CDK5RAP1: variants seen among roughly 807,000 people sequenced by gnomAD.
CDK5RAP1 encodes the protein CDK5RAP1 mitochondrial tRNA methylthiotransferase, also known as mitochondrial tRNA methylthiotransferase CDK5RAP1.
In CDK5RAP1, 62 loss-of-function variants were observed where a neutral mutation model predicts 64.5. The ratio of observed to expected loss-of-function variants is 0.96; its 90% CI spans 0.78 to 1.19. The LOEUF is 1.19. CDK5RAP1 is among the 50% of genes most tolerant of loss of function. The probability of loss-of-function intolerance (pLI) is 0.00; values close to 1 mark genes in which losing one functional copy is unlikely to be tolerated. For missense variants in CDK5RAP1, 657 were observed against 735.0 expected (o/e 0.89, Z 1.23); for synonymous variants, 250 against 261.9 (o/e 0.95, Z 0.44).
chr20:33,369,043 G>A (rs556271732), intron 11 of CDK5RAP1, among the ~76,000 whole-genome samples: 1 of 152,226 alleles, frequency 6.6e-6, no homozygotes, highest in African/African-American at 2.4e-5. Context: ...GGGAGGCTGA[G>A]GCAGGAGGAT....
chr20:33,379,967 C>A (rs1213742319), intron 7 of CDK5RAP1, among the ~76,000 whole-genome samples: 1 of 152,084 alleles, frequency 6.6e-6, no homozygotes, highest in Admixed American at 6.6e-5. Flanking sequence ...CAATAATCCA[C>A]AATAATGGTT....
chr20:33,376,124 C>T (rs1373116238), intron 8 of CDK5RAP1, among the ~76,000 whole-genome samples: 1 of 152,002 alleles, frequency 6.6e-6, no homozygotes, highest in Non-Finnish European at 1.5e-5. Context: ...GTCAAGAGTT[C>T]GAGACCAGCC....
At chr20:33,376,146 TCTA>T (rs1460669776) in intron 8 of CDK5RAP1, among the ~76,000 whole-genome samples, 2 of 151,894 alleles carry the variant, frequency 1.3e-5, no homozygotes, top group Non-Finnish European at 2.9e-5. Context: ...GGCCAACATC[TCTA>T]CTAAGTCTCT....
At chr20:33,396,592 G>C (rs1266253231) in intron 2 of CDK5RAP1, among the ~76,000 whole-genome samples, 169 bp downstream of exon 2, 1 of 152,122 alleles carries the variant, frequency 6.6e-6, no homozygotes, top group Non-Finnish European at 1.5e-5. Context: ...GAGCCACCGT[G>C]ACCAGTCGAG....
rs373551202 is a variant in CDK5RAP1 at position 33,396,823 on chromosome 20, G to A, written c.242C>T (p.Ser81Leu). 6.2e-6 allele frequency: 10 copies of A among 1,614,140 alleles called. No homozygotes were observed. The highest frequency in any genetic ancestry group is 7.6e-6 in the Non-Finnish European group (9 of 1,180,020). The change falls in exon 2 of 14, where the codon TCA (serine) becomes TTA (leucine). Residue 81 changes from serine (S) to leucine (L), a missense_variant. Physicochemically the swap from Ser to Leu is moderately radical, Grantham distance 145 (BLOSUM62 -2). Transcript: ENST00000346416. ...SASAPQEKLS[S>L]EVEDPPPYLM... ...ATAGGGAGGTGGGTCTTCCACTTCTGAAGACAGCTTCTCCTGAGGAGCTGA... is the reference window on the plus strand; with the variant it reads ...ATAGGGAGGTGGGTCTTCCACTTCTAAAGACAGCTTCTCCTGAGGAGCTGA...
chr20:33,367,225 T>G (rs1984153062), intron 11 of CDK5RAP1, among the ~76,000 whole-genome samples: 1 of 152,214 alleles, frequency 6.6e-6, no homozygotes, highest in Admixed American at 6.5e-5. Flanking sequence ...ATTCTAAATT[T>G]AGCACATGAA....
chr20:33,393,943 C>T, intron 4 of CDK5RAP1, 89 bp downstream of exon 4: 1 of 915,348 alleles, frequency 1.1e-6, no homozygotes, highest in Non-Finnish European at 1.8e-6. Flanking sequence ...GCCACTGGCT[C>T]ATCTCCATAG....
intron 1 of CDK5RAP1, 128 bp from the exon 2 acceptor site, chr20:33,397,212 T>C: frequency 3.2e-6 from 2 of 617,912 alleles, no homozygotes; most frequent in Non-Finnish European, 5.2e-6. Flanking sequence ...CTCCTAATAA[T>C]ATGACCTCTG....
At chr20:33,364,275 G>A (rs1983484303) in intron 12 of CDK5RAP1, among the ~76,000 whole-genome samples, 1 of 147,004 alleles carries the variant, frequency 6.8e-6, no homozygotes, top group Non-Finnish European at 1.5e-5. Context: ...TGCAACCTCT[G>A]CCTCCCAGGT....
rs1989417422 is a variant in CDK5RAP1, at chr20:33,401,493, C to A, written c.-86G>T. On this transcript the variant is annotated 5_prime_UTR_variant, in exon 1 of 14. An upstream open reading frame in the 5' UTR loses its in-frame stop. Transcript: ENST00000346416. Reference sequence around the variant, plus strand: ...GTTCTGCCGGCAAGTCGGATCCCCTCACAGGTCCGCCGCTGCGTTCATACA... The same window carrying A: ...GTTCTGCCGGCAAGTCGGATCCCCTAACAGGTCCGCCGCTGCGTTCATACA... 3.0e-6 allele frequency: 3 copies of A among 985,308 alleles called. No individual in the cohort carries two copies. The highest frequency in any genetic ancestry group is 3.6e-6 in the Non-Finnish European group (3 of 829,948). The allele number at this position is 985,308 out of a possible 1,614,324, so 61.0% of individuals were successfully genotyped here. A position where few individuals can be genotyped will look rare whatever the true frequency, so the allele number is the denominator to read the frequency against.
rs560885741 is a variant in CDK5RAP1, at chr20:33,368,731, C to T, written c.1393-1723G>A. Among the ~76,000 whole-genome samples the T allele has an allele frequency of 5.1e-4, 77 of 151,924 alleles. No homozygotes were observed. In the Middle Eastern group the frequency reaches 0.01, roughly 20 times the overall value. ...TACTAAAAATACAAAATTAGCCAGG[C>T]GTGGTGGCACATGCCTATAATCCCA... On this transcript the variant is annotated intron_variant, in intron 11 of 13. Transcript: ENST00000346416.
intron 1 of CDK5RAP1, among the ~76,000 whole-genome samples, chr20:33,400,972 A>G (rs1180280246): frequency 6.6e-6 from 1 of 152,230 alleles, no homozygotes; most frequent in Non-Finnish European, 1.5e-5. Flanking sequence ...GCAATAATAC[A>G]AGCAAAATGC....
At chr20:33,363,335 C>T (rs1440005473) in intron 12 of CDK5RAP1, among the ~76,000 whole-genome samples, 2 of 152,106 alleles carry the variant, frequency 1.3e-5, no homozygotes, top group African/African-American at 4.8e-5. Context: ...AAGGACAGTT[C>T]GAAGACAACT....
At chr20:33,377,811 C>A (rs929456516) in intron 8 of CDK5RAP1, among the ~76,000 whole-genome samples, 1 of 152,154 alleles carries the variant, frequency 6.6e-6, no homozygotes, top group Admixed American at 6.6e-5. Flanking sequence ...ACAACCAAAC[C>A]CAGCTAATTT....
intron 1 of CDK5RAP1, among the ~76,000 whole-genome samples, chr20:33,399,599 G>A (rs1480380253): frequency 6.6e-6 from 1 of 152,212 alleles, no homozygotes; most frequent in Admixed American, 6.5e-5. Context: ...CCTCACGGCA[G>A]GTGCTAAACA....
At position 33,395,021 on chromosome 20, in the gene CDK5RAP1, G is replaced by T. The variant is rs780858283; in HGVS notation, c.400C>A (p.Leu134Ile). The T allele has an allele frequency of 1.9e-6, 3 of 1,586,470 alleles. No homozygotes were observed. In the African/African-American group the frequency reaches 4.0e-5, roughly 21 times the overall value. ...ATAGGAAATGCATGTACCTCTTGGA[G>T]GTTACTGGTCCGCAGGTAGCCACTC... ...QKSGYLRTSN[L>I]QEADVILLVT... is the part of the protein sequence containing the mutation. The change falls in exon 3 of 14, where the codon CTC becomes ATC. Residue 134 changes from leucine to isoleucine, a missense_variant. Physicochemically the swap from Leu to Ile is conservative, Grantham distance 5. Transcript: ENST00000346416.
chr20:33,377,171 A>C lies in CDK5RAP1; in HGVS notation c.1107+2290T>G, dbSNP rs549344606. 9.8e-5 allele frequency among the ~76,000 whole-genome samples: 15 copies of C among 152,286 alleles called. No individual in the cohort carries two copies. The East Asian group carries it at 2.9e-3, about 29-fold the overall frequency. On this transcript the variant is annotated intron_variant, in intron 8 of 13. Coordinates refer to ENST00000346416, the MANE Select transcript of CDK5RAP1 (RefSeq NM_016408.4). ...GGCAATACGGCAAGACCCCACCTCT[A>C]ATTTTTTTAAAAGGAAACAAGAGAC... is the stretch of plus-strand genomic sequence containing the variant.
At chr20:33,374,322 G>A in intron 8 of CDK5RAP1, 110 bp from the exon 9 acceptor site, 1 of 703,240 alleles carries the variant, frequency 1.4e-6, no homozygotes, top group Non-Finnish European at 2.5e-6. Flanking sequence ...ACATAATTAA[G>A]AGGCTAATTA....
At chr20:33,374,971 C>A (rs1985742443) in intron 8 of CDK5RAP1, among the ~76,000 whole-genome samples, 1 of 151,332 alleles carries the variant, frequency 6.6e-6, no homozygotes, top group Admixed American at 6.6e-5. Context: ...TCAAGACCAG[C>A]CTGGACAACA....
Sources: gnomAD v4.1 joint callset for allele counts (sites outside exome capture counted in the v4.1 genomes callset) on GRCh38, gnomAD v4.1.1 for gene constraint, MANE v1.5 for transcripts, NCBI Gene and HGNC (gene_info 2026-07-23, HGNC 2026-07-21) for gene names.